PDE4B: variants seen among roughly 807,000 people sequenced by gnomAD.
PDE4B encodes phosphodiesterase 4B, also known as 3',5'-cyclic-AMP phosphodiesterase 4B.
PDE4B carries 20 observed loss-of-function variants against 82.2 expected under a neutral mutation model. That is an observed-to-expected ratio of 0.24 (90% CI 0.17 to 0.35). The LOEUF (loss-of-function observed/expected upper bound fraction) is 0.35, where lower values mean the gene tolerates loss of function less well. PDE4B is among the 10% of genes least tolerant of loss of function. The pLI is 1.00. For missense variants in PDE4B, 655 were observed against 907.2 expected (o/e 0.72, Z 3.57); for synonymous variants, 320 against 318.9 (o/e 1.00, Z -0.04).
At chr1:66,058,565 G>A in intron 3 of PDE4B, among the ~76,000 whole-genome samples, 1 of 152,222 alleles carries the variant, frequency 6.6e-6, no homozygotes. Context: ...TGAAGTCTAA[G>A]CAGAGGTTCC....
intron 3 of PDE4B, among the ~76,000 whole-genome samples, chr1:65,991,570 G>T (rs557382034): frequency 6.6e-6 from 1 of 152,114 alleles, no homozygotes; most frequent in East Asian, 1.9e-4. Context: ...AATCATTGCC[G>T]GTATAGACTT....
intron 7 of PDE4B, chr1:66,266,967 A>G (rs566375710): frequency 4.7e-6 from 1 of 210,658 alleles, no homozygotes; most frequent in African/African-American, 2.3e-5. Context: ...GCAGCGCTTC[A>G]TACTTAAAAT....
intron 3 of PDE4B, among the ~76,000 whole-genome samples, chr1:66,120,279 C>A (rs17421832): frequency 2.0e-5 from 3 of 152,046 alleles, no homozygotes; most frequent in African/African-American, 2.4e-5. Flanking sequence ...CTTCCCACTT[C>A]GTCTTTGATT....
At chr1:66,109,031 A>G (rs1345992911) in intron 3 of PDE4B, among the ~76,000 whole-genome samples, 2 of 152,024 alleles carry the variant, frequency 1.3e-5, no homozygotes, top group South Asian at 2.1e-4. Context: ...GTGGATGGAG[A>G]GATAAAGTCT....
At chr1:66,085,224 T>C (rs1053990556) in intron 3 of PDE4B, among the ~76,000 whole-genome samples, 2 of 152,168 alleles carry the variant, frequency 1.3e-5, no homozygotes, top group South Asian at 4.1e-4. Context: ...CCCAAGTGCT[T>C]CTGATGTAGA....
intron 1 of PDE4B, among the ~76,000 whole-genome samples, chr1:65,910,515 T>C (rs544160176): frequency 9.2e-5 from 14 of 152,308 alleles, no homozygotes; most frequent in Admixed American, 6.5e-4. Context: ...AGGATCCTAG[T>C]AGGAAATAGA....
intron 1 of PDE4B, among the ~76,000 whole-genome samples, chr1:65,909,051 A>G (rs911317588): frequency 6.6e-6 from 1 of 152,084 alleles, no homozygotes; most frequent in Non-Finnish European, 1.5e-5. Flanking sequence ...ATACGATGGG[A>G]GTTATGGAAG....
At chr1:65,904,681 G>A (rs961202112) in intron 1 of PDE4B, among the ~76,000 whole-genome samples, 1 of 152,048 alleles carries the variant, frequency 6.6e-6, no homozygotes, top group Non-Finnish European at 1.5e-5. Context: ...GCTTCCAAGT[G>A]GCAGCAGACG....
rs912087220 is a variant in PDE4B, at chr1:66,171,504, A to G, written c.282-75956A>G. 4.5e-4 allele frequency among the ~76,000 whole-genome samples: 68 copies of G among 152,192 alleles called. 1 individual carries two copies. The highest frequency in any genetic ancestry group is 3.5e-4 in the Non-Finnish European group (24 of 68,034). The stretch of plus-strand genomic sequence containing the variant: ...TTTAAAAAGAATATATTAAAAAGGG[A>G]AAAATTATTTAAATTTATCTGATCA... On this transcript the variant is annotated intron_variant, in intron 3 of 16. Transcript: ENST00000341517.
intron 3 of PDE4B, among the ~76,000 whole-genome samples, chr1:66,120,855 GA>G (rs1203611364): frequency 1.4e-4 from 22 of 152,130 alleles, no homozygotes; most frequent in African/African-American, 5.3e-4. Flanking sequence ...ATTATGATGA[GA>G]ACTATTTATT....
At chr1:66,234,268 G>A (rs1367421515) in intron 3 of PDE4B, among the ~76,000 whole-genome samples, 1 of 152,144 alleles carries the variant, frequency 6.6e-6, no homozygotes, top group Non-Finnish European at 1.5e-5. Flanking sequence ...CTTCATTGAA[G>A]TTGTCAAATG....
At chr1:65,909,817 A>G (rs1192139367) in intron 1 of PDE4B, among the ~76,000 whole-genome samples, 2 of 152,186 alleles carry the variant, frequency 1.3e-5, no homozygotes, top group East Asian at 1.9e-4. Context: ...TGAGGCATTT[A>G]AAAACTTTAG....
chr1:65,862,997 G>C (rs1646471920), intron 1 of PDE4B, among the ~76,000 whole-genome samples: 1 of 152,216 alleles, frequency 6.6e-6, no homozygotes, highest in South Asian at 2.1e-4. Flanking sequence ...CAAAAAACCA[G>C]CTCCTGGATT....
intron 3 of PDE4B, among the ~76,000 whole-genome samples, chr1:66,241,922 C>T (rs139576130): frequency 3.4e-4 from 51 of 152,148 alleles, no homozygotes; most frequent in African/African-American, 9.9e-4. Flanking sequence ...TTGTCAGATG[C>T]GAGAAAAAAC....
chr1:66,081,887 T>C (rs968419015), intron 3 of PDE4B, among the ~76,000 whole-genome samples: 1 of 150,578 alleles, frequency 6.6e-6, no homozygotes, highest in African/African-American at 2.4e-5. Context: ...TACTCTGGAT[T>C]TGCAAAAACA....
intron 8 of PDE4B, among the ~76,000 whole-genome samples, chr1:66,347,099 G>A (rs1335837466): frequency 2.0e-5 from 3 of 152,084 alleles, no homozygotes; most frequent in African/African-American, 7.2e-5. Flanking sequence ...GGTTAGCTGA[G>A]GTCACTGGTA....
intron 8 of PDE4B, among the ~76,000 whole-genome samples, chr1:66,353,508 A>T (rs1661998350): frequency 6.6e-6 from 1 of 152,204 alleles, no homozygotes; most frequent in South Asian, 2.1e-4. Context: ...GCCAATTGCA[A>T]GTTGGGGCTG....
intron 7 of PDE4B, among the ~76,000 whole-genome samples, chr1:66,284,796 T>C (rs992563421): frequency 6.6e-6 from 1 of 152,072 alleles, no homozygotes; most frequent in African/African-American, 2.4e-5. Flanking sequence ...ACAGGAAAGA[T>C]GGCTGGGCAA....
chr1:66,169,122 T>C (rs1188439682), intron 3 of PDE4B, among the ~76,000 whole-genome samples: 1 of 152,222 alleles, frequency 6.6e-6, no homozygotes, highest in Non-Finnish European at 1.5e-5. Flanking sequence ...CATCTACATT[T>C]TACTCAGAAA....
Sources: gnomAD v4.1 joint callset for allele counts (sites outside exome capture counted in the v4.1 genomes callset) on GRCh38, gnomAD v4.1.1 for gene constraint, MANE v1.5 for transcripts, NCBI Gene and HGNC (gene_info 2026-07-23, HGNC 2026-07-21) for gene names.